Variants in CDC73 observed in about 807,000 individuals in gnomAD.
CDC73 encodes cell division cycle 73.
CDC73 carries 21 observed loss-of-function variants against 83.7 expected under a neutral mutation model. That is an observed-to-expected ratio of 0.25 (90% CI 0.18 to 0.36). The LOEUF is 0.36. CDC73 is among the 10% of genes least tolerant of loss of function. CDC73 has a pLI of 1.00. For missense variants in CDC73, 342 were observed against 653.3 expected, an observed-to-expected ratio of 0.52 and a Z score of 5.19; for synonymous variants, 224 against 212.9, an observed-to-expected ratio of 1.05 and a Z score of -0.45.
intron 10 of CDC73, among the ~76,000 whole-genome samples, chr1:193,190,318 A>C (rs1170722731): frequency 2.0e-5 from 3 of 152,188 alleles, no homozygotes; most frequent in African/African-American, 7.2e-5. Context: ...TTTTATTTAT[A>C]ATCAGATGCA....
intron 13 of CDC73, among the ~76,000 whole-genome samples, chr1:193,221,048 C>T (rs1158596398): frequency 2.6e-5 from 4 of 152,078 alleles, no homozygotes; most frequent in Admixed American, 2.6e-4. Context: ...GTCTTTCCAA[C>T]TAAATTATGA....
chr1:193,150,890 T>A (rs1676092958), intron 9 of CDC73, among the ~76,000 whole-genome samples: 1 of 152,256 alleles, frequency 6.6e-6, no homozygotes. Context: ...GATATGTAAG[T>A]AAATTATCTA....
intron 10 of CDC73, among the ~76,000 whole-genome samples, chr1:193,160,343 CTT>C (rs1218508271): frequency 1.3e-5 from 2 of 151,964 alleles, no homozygotes; most frequent in East Asian, 3.8e-4. Context: ...TTTAACATCA[CTT>C]TGTTTTAAAA....
chr1:193,216,871 G>C (rs1677377106), intron 13 of CDC73, among the ~76,000 whole-genome samples: 1 of 152,078 alleles, frequency 6.6e-6, no homozygotes, highest in Non-Finnish European at 1.5e-5. Context: ...TGCAGAAAAG[G>C]CTTTCAGTAA....
chr1:193,197,421 G>A (rs1487170592), intron 10 of CDC73, among the ~76,000 whole-genome samples: 3 of 152,194 alleles, frequency 2.0e-5, no homozygotes, highest in Admixed American at 6.5e-5. Context: ...TTTATTTTGG[G>A]CAGTGAGCTG....
rs563805986 is a variant in CDC73 at position 193,152,366 on chromosome 1, C to CT, written c.908-6dup. 104 of 1,580,642 alleles carry CT rather than the reference C, an allele frequency of 6.6e-5. No individual in the cohort carries two copies. The highest frequency in any genetic ancestry group is 7.1e-5 in the Non-Finnish European group (82 of 1,150,392). ...TCTATAAAATCTTAACAATAAGCCT[C>CT]TTTTTTTTCGTAGAAACGGAAGGCT... On this transcript the variant is annotated splice_polypyrimidine_tract_variant and intron_variant, in intron 9 of 16. Transcript: ENST00000367435.
At chr1:193,203,606 A>T (rs1016156577) in intron 10 of CDC73, among the ~76,000 whole-genome samples, 189 bp from the exon 11 acceptor site, 2 of 152,230 alleles carry the variant, frequency 1.3e-5, no homozygotes, top group Admixed American at 6.5e-5. Flanking sequence ...TAATAGCATA[A>T]AAGATCAGGA....
chr1:193,180,867 T>C, intron 10 of CDC73: 1 of 1,613,954 alleles, frequency 6.2e-7, no homozygotes, highest in Non-Finnish European at 8.5e-7. Flanking sequence ...TCATGCCCAT[T>C]AGTGTTTTAA....
Position 193,230,457 on chromosome 1 carries a change from ATTTTTT to A in CDC73, c.1155-2513_1155-2508del, listed in dbSNP as rs752027731. On this transcript the variant is annotated intron_variant, in intron 13 of 16. Transcript: ENST00000367435. ...CCACTGCACCTCGCCCTAATCCCGTATTTTTTTTTTTTTTTTTTTTTTTTTTTTGCA... is the reference window on the plus strand; with the variant it reads ...CCACTGCACCTCGCCCTAATCCCGTATTTTTTTTTTTTTTTTTTTTTTGCA... Among the ~76,000 whole-genome samples the A allele has an allele frequency of 9.5e-3, 859 of 90,682 alleles. 4 individuals are homozygous for A. The highest frequency in any genetic ancestry group is 0.037 in the African/African-American group (748 of 20,320). 59.5% of individuals were successfully genotyped at this position (90,682 alleles called of 152,430 possible). A position where few individuals can be genotyped will look rare whatever the true frequency, so the allele number is the denominator to read the frequency against.
At chr1:193,217,173 CACCG>C (rs1427645417) in intron 13 of CDC73, among the ~76,000 whole-genome samples, 2 of 152,116 alleles carry the variant, frequency 1.3e-5, no homozygotes, top group African/African-American at 4.8e-5. Context: ...TAGGGGAGCA[CACCG>C]ACGGGCAGGC....
chr1:193,214,244 G>C (rs771774512), intron 13 of CDC73, among the ~76,000 whole-genome samples: 1 of 152,050 alleles, frequency 6.6e-6, no homozygotes, highest in Non-Finnish European at 1.5e-5. Context: ...CAGCATTTCA[G>C]GTATATGTTA....
Position 193,253,675 on chromosome 1 carries a change from A to G in CDC73, c.*2963A>G, listed in dbSNP as rs886045731. 21 of 231,880 alleles carry G rather than the reference A, an allele frequency of 9.1e-5. No individual in the cohort carries two copies. In the Middle Eastern group the frequency reaches 3.9e-3, roughly 43 times the overall value. 14.4% of individuals were successfully genotyped at this position (231,880 alleles called of 1,614,324 possible). ...ATCCATATAAAAACAACTAATTCAT[A>G]ATGAGGAAAATCTCATAATTTTTAA... On this transcript the variant is annotated 3_prime_UTR_variant, in exon 17 of 17. Transcript: ENST00000367435.
At chr1:193,233,692 T>A (rs1326043428) in intron 14 of CDC73, among the ~76,000 whole-genome samples, 1 of 152,176 alleles carries the variant, frequency 6.6e-6, no homozygotes, top group African/African-American at 2.4e-5. Context: ...ATTCTATGTT[T>A]AGATTTTTGG....
rs752084116 is a variant in CDC73, at chr1:193,122,189, A to T, written c.-12A>T. On this transcript the variant is annotated 5_prime_UTR_variant, in exon 1 of 17. Coordinates refer to ENST00000367435, the MANE Select transcript of CDC73 (RefSeq NM_024529.5). Reference sequence around the variant, plus strand: ...GCGGCGCCCCGAGCCGGCGGAGGCGAGGGGGGGGAAGATGGCGGACGTGCT... The same window carrying T: ...GCGGCGCCCCGAGCCGGCGGAGGCGTGGGGGGGGAAGATGGCGGACGTGCT... The T allele has an allele frequency of 1.9e-6, 3 of 1,609,216 alleles. No individual in the cohort carries two copies. Among genetic ancestry groups the T allele is most frequent in the Non-Finnish European group, 2.5e-6 (3 of 1,176,938 alleles).
intron 7 of CDC73, among the ~76,000 whole-genome samples, chr1:193,146,923 A>G (rs4657744): frequency 0.62 from 94,829 of 152,048 alleles, 30,028 homozygotes; most frequent in South Asian, 0.77. Context: ...GGAGTTTAAC[A>G]GGAGGATGTA....
intron 10 of CDC73, among the ~76,000 whole-genome samples, chr1:193,162,784 T>C (rs764305716): frequency 6.6e-6 from 1 of 152,214 alleles, no homozygotes; most frequent in Non-Finnish European, 1.5e-5. Context: ...TTTGGTATTT[T>C]TGGAGAGATG....
intron 10 of CDC73, among the ~76,000 whole-genome samples, 165 bp from the exon 11 acceptor site, chr1:193,203,630 T>G (rs959818096): frequency 6.6e-6 from 1 of 152,206 alleles, no homozygotes; most frequent in Non-Finnish European, 1.5e-5. Flanking sequence ...TTTTCATTTT[T>G]ATTTTTTTCT....
chr1:193,153,087 G>A (rs938105806), intron 10 of CDC73, among the ~76,000 whole-genome samples: 8 of 152,056 alleles, frequency 5.3e-5, no homozygotes, highest in African/African-American at 1.9e-4. Context: ...ACAATGTAAT[G>A]TCTTTCGCTC....
At chr1:193,148,974 T>C (rs1676057121) in intron 8 of CDC73, among the ~76,000 whole-genome samples, 1 of 152,092 alleles carries the variant, frequency 6.6e-6, no homozygotes, top group African/African-American at 2.4e-5. Context: ...TGTATTAGAG[T>C]ACTAATACAG....
Sources: gnomAD v4.1 joint callset for allele counts (sites outside exome capture counted in the v4.1 genomes callset) on GRCh38, gnomAD v4.1.1 for gene constraint, MANE v1.5 for transcripts, NCBI Gene and HGNC (gene_info 2026-07-23, HGNC 2026-07-21) for gene names.